Variants in FGF18 observed in about 807,000 individuals in gnomAD.
FGF18 encodes fibroblast growth factor 18.
Under a neutral mutation model 23.0 loss-of-function variants are expected in FGF18, and 5 were observed. The observed-to-expected ratio is 0.22, with a 90% CI of 0.11 to 0.46. FGF18 has a LOEUF of 0.46. Ranked by LOEUF, FGF18 falls within the 20% of genes least tolerant of loss-of-function variation. The pLI is 0.99. For synonymous variants in FGF18, 117 were observed against 118.9 expected (o/e 0.98, Z 0.10); for missense variants, 180 against 291.6 (o/e 0.62, Z 2.79).
rs778692675 is a variant in FGF18 at position 171,436,232 on chromosome 5, G to C, written c.209G>C (p.Gly70Ala). ...RTSGKHIQVL[G>A]RRISARGEDG... ...AGTGGGAAACACATCCAGGTCCTGG[G>C]CCGCAGGATCAGTGCCCGCGGCGAG... Residue 70 changes from glycine (G) to alanine (A), a missense_variant, in exon 3 of 5, where the codon GGC becomes GCC. This residue lies in a region of FGF18 where 83 missense variants were observed against 190.4 expected (regional missense o/e 0.44). Coordinates refer to ENST00000274625, the MANE Select transcript of FGF18 (RefSeq NM_003862.3). The surrounding 1 kb of genome is among the most constrained non-coding windows in gnomAD (Gnocchi z 4.4). 6.2e-7 allele frequency: 1 copy of C among 1,600,696 alleles called. No individual in the cohort carries two copies. The highest frequency in any genetic ancestry group is 8.5e-7 in the Non-Finnish European group (1 of 1,173,054).
chr5:171,449,365 G>A (rs1772460613), intron 4 of FGF18, 112 bp downstream of exon 4: 1 of 416,358 alleles, frequency 2.4e-6, no homozygotes. Context: ...CAGGCCGTGT[G>A]TGTGTGTGTG....
chr5:171,428,601 G>C (rs1279303956), intron 2 of FGF18, among the ~76,000 whole-genome samples: 1 of 152,236 alleles, frequency 6.6e-6, no homozygotes, highest in African/African-American at 2.4e-5. Context: ...ACTGGAAGCA[G>C]GGATCAGCCT....
Position 171,436,317 on chromosome 5 carries a change from T to A in FGF18, c.250+44T>A. On this transcript the variant is annotated intron_variant, in intron 3 of 4. Coordinates refer to ENST00000274625, the MANE Select transcript of FGF18 (RefSeq NM_003862.3). The surrounding 1 kb of genome is among the most constrained non-coding windows in gnomAD (Gnocchi z 4.4). ...CTCCTACTCCGTGTACCCGTGTACA[T>A]GTCCTTCCTGGCCTCAGAGACCTCA... 1 of 1,391,022 alleles carries A rather than the reference T, an allele frequency of 7.2e-7. No homozygotes were observed. 86.2% of individuals were successfully genotyped at this position (1,391,022 alleles called of 1,614,324 possible).
chr5:171,428,492 A>T (rs1212458023), intron 2 of FGF18, among the ~76,000 whole-genome samples: 1 of 152,212 alleles, frequency 6.6e-6, no homozygotes, highest in Non-Finnish European at 1.5e-5. Flanking sequence ...ACCTTGAAAT[A>T]AGAGCAAACC....
chr5:171,454,800 T>G (rs1233383154), intron 4 of FGF18, among the ~76,000 whole-genome samples: 9 of 152,228 alleles, frequency 5.9e-5, no homozygotes, highest in Non-Finnish European at 1.2e-4. Context: ...GGCCTAAATT[T>G]GGAGATGTTA....
At chr5:171,425,173 A>G (rs1272639604) in intron 2 of FGF18, among the ~76,000 whole-genome samples, 3 of 152,212 alleles carry the variant, frequency 2.0e-5, no homozygotes, top group Admixed American at 6.5e-5. Context: ...CAGTCACATC[A>G]AGCCATCAAA....
chr5:171,431,259 G>C (rs779437318), intron 2 of FGF18, among the ~76,000 whole-genome samples: 7 of 152,218 alleles, frequency 4.6e-5, no homozygotes, highest in Non-Finnish European at 8.8e-5. Flanking sequence ...TTCTTACCAA[G>C]GTGCCTAAGA....
Position 171,436,194 on chromosome 5 carries a change from C to G in FGF18, c.171C>G (p.Leu57=). Residue 57 remains leucine (L), a synonymous_variant, in exon 3 of 5, where the codon CTC becomes CTG. Coordinates refer to ENST00000274625, the MANE Select transcript of FGF18 (RefSeq NM_003862.3). The surrounding 1 kb of genome is among the most constrained non-coding windows in gnomAD (Gnocchi z 4.4). ...GTAAGCAGCTGCGGCTGTACCAGCT[C>G]TACAGCCGGACCAGTGGGAAACACA... ...VSRKQLRLYQ[L]YSRTSGKHIQ... is the part of the protein sequence containing the mutation. 2.5e-6 allele frequency: 4 copies of G among 1,608,734 alleles called. No individual in the cohort carries two copies. The highest frequency in any genetic ancestry group is 2.7e-5 in the African/African-American group (2 of 74,828).
At chr5:171,446,920 C>A (rs554087116) in intron 3 of FGF18, among the ~76,000 whole-genome samples, 1 of 152,274 alleles carries the variant, frequency 6.6e-6, no homozygotes, top group African/African-American at 2.4e-5. Context: ...GGTCATAGTG[C>A]AAGACCTGGG....
chr5:171,427,038 G>A (rs540105066), intron 2 of FGF18, among the ~76,000 whole-genome samples: 3 of 151,920 alleles, frequency 2.0e-5, no homozygotes, highest in East Asian at 1.9e-4. Context: ...GTGAAACCCC[G>A]CCCCTACTAA....
chr5:171,429,129 G>A (rs928047599), intron 2 of FGF18, among the ~76,000 whole-genome samples: 4 of 152,194 alleles, frequency 2.6e-5, no homozygotes, highest in African/African-American at 9.6e-5. Flanking sequence ...GGTTGAGGAG[G>A]TGGGGGCACC....
chr5:171,437,891 G>A (rs1318911996), intron 3 of FGF18, among the ~76,000 whole-genome samples: 1 of 152,122 alleles, frequency 6.6e-6, no homozygotes, highest in African/African-American at 2.4e-5. Flanking sequence ...CCTGAGACAG[G>A]AGGCGGGAGC....
intron 3 of FGF18, among the ~76,000 whole-genome samples, chr5:171,438,888 C>T (rs1452899456): frequency 1.3e-5 from 2 of 152,120 alleles, no homozygotes; most frequent in Non-Finnish European, 2.9e-5. Flanking sequence ...AGGGGCCTGC[C>T]TTGTCTCAGG....
At chr5:171,446,026 C>T (rs1278544359) in intron 3 of FGF18, among the ~76,000 whole-genome samples, 1 of 152,204 alleles carries the variant, frequency 6.6e-6, no homozygotes, top group Non-Finnish European at 1.5e-5. Context: ...TTCTCTCTCC[C>T]TCTCTCTCTT....
At chr5:171,450,144 T>C (rs1313358787) in intron 4 of FGF18, among the ~76,000 whole-genome samples, 2 of 141,892 alleles carry the variant, frequency 1.4e-5, no homozygotes, top group Non-Finnish European at 3.0e-5. Context: ...CTAAGGGGGA[T>C]GGGCTTGTGC....
chr5:171,436,824 T>G lies in FGF18; in HGVS notation c.250+551T>G, dbSNP rs78382680. ...AACTGCCCAACCCTCCTGGAGTACT[T>G]GGGAACTCACCCCGCTCCCCTGCCT... On this transcript the variant is annotated intron_variant, in intron 3 of 4. Transcript: ENST00000274625. The surrounding 1 kb of genome is among the most constrained non-coding windows in gnomAD (Gnocchi z 4.4). Among the ~76,000 whole-genome samples, 1 of 152,232 alleles carries G rather than the reference T, an allele frequency of 6.6e-6. No homozygotes were observed. Among genetic ancestry groups the G allele is most frequent in the Non-Finnish European group, 1.5e-5 (1 of 68,020 alleles).
chr5:171,449,028 C>T (rs1772455584), intron 3 of FGF18, 119 bp from the exon 4 acceptor site: 2 of 730,640 alleles, frequency 2.7e-6, no homozygotes, highest in Admixed American at 2.0e-5. Flanking sequence ...CCTCCCCATG[C>T]CTGATTTTGG....
In FGF18 at chr5:171,420,224, A is replaced by G. The variant is rs1771982355; in HGVS notation, c.25A>G (p.Thr9Ala). MYSAPSAC[T>A]CLCLHFLLLC... ...GATGTATTCAGCGCCCTCCGCCTGC[A>G]CTTGCCTGTAAGCGCCCGCGCGCGG... Residue 9 changes from threonine to alanine, a missense_variant, in exon 1 of 5, where the codon ACT becomes GCT. Thr to Ala is a moderately conservative substitution (Grantham distance 58). Around this residue, in one of 3 missense-constraint regions of FGF18, gnomAD observed 57 missense variants for 59.8 expected, o/e 0.95. Coordinates refer to ENST00000274625, the MANE Select transcript of FGF18 (RefSeq NM_003862.3). 6.4e-7 allele frequency: 1 copy of G among 1,566,972 alleles called. No homozygotes were observed. Among genetic ancestry groups the G allele is most frequent in the South Asian group, 1.2e-5 (1 of 86,488 alleles).
At chr5:171,439,313 GT>G (rs1772299918) in intron 3 of FGF18, among the ~76,000 whole-genome samples, 2 of 152,224 alleles carry the variant, frequency 1.3e-5, no homozygotes, top group Admixed American at 6.5e-5. Context: ...AGCTTTAGGG[GT>G]TCTGAGAGTG....
Sources: gnomAD v4.1 joint callset for allele counts (sites outside exome capture counted in the v4.1 genomes callset) on GRCh38, gnomAD v4.1.1 for gene constraint, gnomAD v4.1.1 regional missense constraint, Gnocchi (gnomAD v3.1) non-coding constraint, MANE v1.5 for transcripts, NCBI Gene and HGNC (gene_info 2026-07-23, HGNC 2026-07-21) for gene names.